KCNB2: variants seen among roughly 807,000 people sequenced by gnomAD.
KCNB2 encodes the protein delayed rectifier potassium channel protein.
A neutral mutation model predicts 61.5 loss-of-function variants in KCNB2; 15 were observed. The observed-to-expected ratio is 0.24, with a 90% CI of 0.16 to 0.38. The LOEUF (loss-of-function observed/expected upper bound fraction) is 0.38. Among genes scored for constraint, KCNB2 ranks in the 10% least tolerant of loss-of-function variants. The pLI is 1.00. For synonymous variants in KCNB2, 457 were observed against 446.0 expected (o/e 1.02, Z -0.31); for missense variants, 828 against 1,125.2 (o/e 0.74, Z 3.78).
chr8:72,857,475 G>A (rs1262098200), intron 2 of KCNB2, among the ~76,000 whole-genome samples: 8 of 152,222 alleles, frequency 5.3e-5, no homozygotes, highest in South Asian at 4.1e-4. Flanking sequence ...GGACTAAAAT[G>A]GCAGTTAGTG....
At chr8:72,584,570 T>A (rs1320041823) in intron 2 of KCNB2, among the ~76,000 whole-genome samples, 6 of 152,212 alleles carry the variant, frequency 3.9e-5, no homozygotes, top group African/African-American at 1.4e-4. Flanking sequence ...ATATATTTTT[T>A]AAATTTAGAC....
At chr8:72,824,416 C>T (rs1489910013) in intron 2 of KCNB2, among the ~76,000 whole-genome samples, 1 of 152,074 alleles carries the variant, frequency 6.6e-6, no homozygotes, top group Non-Finnish European at 1.5e-5. Flanking sequence ...CCCAGCCCCC[C>T]TGTAGTGGCC....
At chr8:72,636,015 G>A (rs1805959855) in intron 2 of KCNB2, among the ~76,000 whole-genome samples, 1 of 152,160 alleles carries the variant, frequency 6.6e-6, no homozygotes, top group Non-Finnish European at 1.5e-5. Context: ...GATTAAATAA[G>A]TTTACAGATC....
chr8:72,679,753 T>C (rs762218092), intron 2 of KCNB2, among the ~76,000 whole-genome samples: 8 of 152,138 alleles, frequency 5.3e-5, no homozygotes, highest in African/African-American at 9.7e-5. Context: ...CTGGCATCAG[T>C]CTAAATGCCT....
In KCNB2 at chr8:72,556,294, C is replaced by T. The variant is rs115419127; in HGVS notation, c.-93-11348C>T. 2.4e-3 allele frequency among the ~76,000 whole-genome samples: 369 copies of T among 152,202 alleles called. 1 individual carries two copies. Among genetic ancestry groups the T allele is most frequent in the African/African-American group, 8.4e-3 (351 of 41,548 alleles). On this transcript the variant is annotated intron_variant, in intron 1 of 2. Coordinates refer to ENST00000523207, the MANE Select transcript of KCNB2 (RefSeq NM_004770.3). ...ATAGATGCTAGTAGGTCATCTTGCC[C>T]ATCTGCCTTACTTTTTTACCATTAA...
intron 2 of KCNB2, among the ~76,000 whole-genome samples, chr8:72,600,047 G>T (rs1585776508): frequency 6.6e-6 from 1 of 152,208 alleles, no homozygotes; most frequent in Non-Finnish European, 1.5e-5. Flanking sequence ...ATTCCTCAAG[G>T]ATCTAGAACT....
chr8:72,594,594 T>G (rs1265310798), intron 2 of KCNB2, among the ~76,000 whole-genome samples: 1 of 152,214 alleles, frequency 6.6e-6, no homozygotes, highest in Non-Finnish European at 1.5e-5. Flanking sequence ...AATTTCTAGA[T>G]GAACGTGTCA....
intron 2 of KCNB2, among the ~76,000 whole-genome samples, chr8:72,603,605 G>C (rs1462088637): frequency 6.6e-6 from 1 of 152,124 alleles, no homozygotes; most frequent in Non-Finnish European, 1.5e-5. Context: ...CAACAACACA[G>C]ACTCTGAGCC....
intron 2 of KCNB2, among the ~76,000 whole-genome samples, chr8:72,932,509 A>T (rs4738288): frequency 0.48 from 72,939 of 151,732 alleles, 18,163 homozygotes; most frequent in East Asian, 0.89. Context: ...GGAGTTTCCT[A>T]AGACCCCCTA....
At chr8:72,544,624 C>G (rs1266232208) in intron 1 of KCNB2, among the ~76,000 whole-genome samples, 1 of 152,194 alleles carries the variant, frequency 6.6e-6, no homozygotes, top group African/African-American at 2.4e-5. Flanking sequence ...AAGTCTTCCA[C>G]CTCCCAATAC....
chr8:72,615,072 C>G (rs1805597000), intron 2 of KCNB2, among the ~76,000 whole-genome samples: 1 of 152,246 alleles, frequency 6.6e-6, no homozygotes, highest in Non-Finnish European at 1.5e-5. Flanking sequence ...AGCCCTTGGA[C>G]TCCACGTTTG....
intron 2 of KCNB2, among the ~76,000 whole-genome samples, chr8:72,857,341 C>G (rs961640377): frequency 2.0e-5 from 3 of 152,068 alleles, no homozygotes; most frequent in African/African-American, 7.2e-5. Context: ...GCAGAGCATT[C>G]CAGGTAGAGG....
chr8:72,917,400 C>CA (rs55792391), intron 2 of KCNB2, among the ~76,000 whole-genome samples: 95,071 of 151,470 alleles, frequency 0.63, 30,926 homozygotes, highest in Middle Eastern at 0.71. Context: ...TTTAAAAAGG[C>CA]AAAGGAGACA....
At chr8:72,672,913 T>C (rs945326340) in intron 2 of KCNB2, among the ~76,000 whole-genome samples, 1 of 152,198 alleles carries the variant, frequency 6.6e-6, no homozygotes, top group African/African-American at 2.4e-5. Context: ...AGTGAAGGTG[T>C]GGAGAAATTA....
At chr8:72,602,369 C>G (rs922142718) in intron 2 of KCNB2, among the ~76,000 whole-genome samples, 10 of 152,094 alleles carry the variant, frequency 6.6e-5, no homozygotes, top group African/African-American at 2.4e-4. Context: ...GCAGATGCTA[C>G]TGAATCATTG....
intron 2 of KCNB2, among the ~76,000 whole-genome samples, chr8:72,676,358 C>G (rs1044317538): frequency 1.3e-5 from 2 of 151,872 alleles, no homozygotes; most frequent in Non-Finnish European, 2.9e-5. Context: ...AATCCACGTG[C>G]AGTATTTCTT....
At chr8:72,564,967 A>G (rs1481176074) in intron 1 of KCNB2, among the ~76,000 whole-genome samples, 1 of 152,224 alleles carries the variant, frequency 6.6e-6, no homozygotes, top group Non-Finnish European at 1.5e-5. Context: ...AGCATTTCAC[A>G]TAAACAATCT....
chr8:72,566,463 G>A (rs1260039954), intron 1 of KCNB2, among the ~76,000 whole-genome samples: 1 of 152,108 alleles, frequency 6.6e-6, no homozygotes, highest in African/African-American at 2.4e-5. Context: ...ACTTTGGGAG[G>A]CCAAGGCCAG....
intron 2 of KCNB2, among the ~76,000 whole-genome samples, chr8:72,612,842 A>G (rs1008578230): frequency 6.6e-6 from 1 of 152,226 alleles, no homozygotes; most frequent in Non-Finnish European, 1.5e-5. Context: ...AAAGTACAGC[A>G]TGAGAAAATC....
Sources: gnomAD v4.1 joint callset for allele counts (sites outside exome capture counted in the v4.1 genomes callset) on GRCh38, gnomAD v4.1.1 for gene constraint, MANE v1.5 for transcripts, NCBI Gene and HGNC (gene_info 2026-07-23, HGNC 2026-07-21) for gene names.